The following DCHS2 variants were observed in gnomAD, a reference collection of about 807,000 sequenced individuals.
DCHS2 encodes the protein protocadherin-23.
In DCHS2, 142 loss-of-function variants were observed where a neutral mutation model predicts 182.4. That is an observed-to-expected ratio of 0.78 (90% CI 0.68 to 0.89). The LOEUF is 0.89. DCHS2 is among the 40% of genes least tolerant of loss of function. The pLI, the probability that DCHS2 is intolerant of heterozygous loss-of-function variation, is 0.00. For missense variants in DCHS2, 4,319 were observed against 4,198.6 expected (o/e 1.03, Z -0.79); for synonymous variants, 1,740 against 1,663.3 (o/e 1.05, Z -1.12).
At chr4:154,261,242 T>C (rs1732971577) in intron 14 of DCHS2, among the ~76,000 whole-genome samples, 1 of 152,224 alleles carries the variant, frequency 6.6e-6, no homozygotes, top group Non-Finnish European at 1.5e-5. Flanking sequence ...TCTCCTTTTC[T>C]ATATAAAATG....
chr4:154,474,912 G>A (rs1735625436), intron 1 of DCHS2, among the ~76,000 whole-genome samples: 1 of 152,056 alleles, frequency 6.6e-6, no homozygotes, highest in Admixed American at 6.5e-5. Context: ...TTCTTCTGTA[G>A]GAAAAACATT....
chr4:154,341,050 G>A (rs1729040719), intron 3 of DCHS2, among the ~76,000 whole-genome samples: 1 of 152,116 alleles, frequency 6.6e-6, no homozygotes, highest in African/African-American at 2.4e-5. Flanking sequence ...ACTTCTCAAA[G>A]GGAAGTGCCT....
At chr4:154,361,925 C>T (rs1459554242) in intron 3 of DCHS2, among the ~76,000 whole-genome samples, 1 of 151,880 alleles carries the variant, frequency 6.6e-6, no homozygotes, top group Non-Finnish European at 1.5e-5. Context: ...AATAGCATGT[C>T]TGATAAAGAA....
chr4:154,408,845 C>A (rs2110887226), intron 1 of DCHS2, among the ~76,000 whole-genome samples: 1 of 152,270 alleles, frequency 6.6e-6, no homozygotes, highest in South Asian at 2.1e-4. Flanking sequence ...CCCCAGCAGT[C>A]CTCATCACCA....
intron 1 of DCHS2, among the ~76,000 whole-genome samples, chr4:154,384,892 GT>G (rs71600322): frequency 1.3e-5 from 2 of 151,508 alleles, no homozygotes; most frequent in South Asian, 2.1e-4. Context: ...AATTTCCGCT[GT>G]TTTTTTTAAT....
Position 154,365,595 on chromosome 4 carries a change from C to T in DCHS2, c.2476+615G>A, listed in dbSNP as rs543305645. Among the ~76,000 whole-genome samples, 4 of 152,074 alleles carry T rather than the reference C, an allele frequency of 2.6e-5. 1 individual carries two copies. In the South Asian group the frequency reaches 8.3e-4, roughly 32 times the overall value. ...CTGGCCTCGAGCCATCCTCCCACCT[C>T]AGCCTCCCAAGTAGCTGGGATTACA... is the stretch of plus-strand genomic sequence containing the variant. On this transcript the variant is annotated intron_variant, in intron 3 of 19. Transcript: ENST00000357232.
chr4:154,291,744 T>C (rs77813634), intron 13 of DCHS2, among the ~76,000 whole-genome samples: 2,443 of 140,552 alleles, frequency 0.017, 64 homozygotes, highest in East Asian at 0.12. Context: ...GGCTAAAAAT[T>C]ACAATAATTG....
chr4:154,326,661 C>T (rs1177267065), intron 7 of DCHS2, among the ~76,000 whole-genome samples: 1 of 152,070 alleles, frequency 6.6e-6, no homozygotes, highest in East Asian at 1.9e-4. Flanking sequence ...ATTGATAGTC[C>T]ATCTTTTCCC....
chr4:154,255,697 A>G (rs1204709507), intron 15 of DCHS2, 27 bp from the exon 16 acceptor site: 4 of 1,607,332 alleles, frequency 2.5e-6, no homozygotes, highest in African/African-American at 1.3e-5. Flanking sequence ...GTTTCATTAG[A>G]TAAGATTTAT....
rs1731273017 is a variant in DCHS2 at position 154,233,171 on chromosome 4, T to G, written c.*1365A>C. ...AGATTTCACATTAGAATTCCTAAAC[T>G]GTTAGCCTAACACCTGGCCCTCATG... On this transcript the variant is annotated 3_prime_UTR_variant, in exon 20 of 20. Transcript: ENST00000357232. 1 of 152,178 alleles carries G rather than the reference T, an allele frequency of 6.6e-6. No homozygotes were observed. Among genetic ancestry groups the G allele is most frequent in the Non-Finnish European group, 1.5e-5 (1 of 68,026 alleles). The allele number at this position is 152,178 out of a possible 1,614,324, so 9.4% of individuals were successfully genotyped here.
At chr4:154,341,281 A>G (rs1729075398) in intron 3 of DCHS2, among the ~76,000 whole-genome samples, 1 of 150,232 alleles carries the variant, frequency 6.7e-6, no homozygotes, top group African/African-American at 2.4e-5. Flanking sequence ...AGGCAGGAGA[A>G]TGGCGTGAAC....
intron 1 of DCHS2, among the ~76,000 whole-genome samples, chr4:154,445,515 G>A (rs926187754): frequency 6.6e-6 from 1 of 152,096 alleles, no homozygotes; most frequent in African/African-American, 2.4e-5. Context: ...CCCTTACAAC[G>A]AAAGCATAGG....
At chr4:154,450,157 A>G (rs1734474313) in intron 1 of DCHS2, among the ~76,000 whole-genome samples, 1 of 152,232 alleles carries the variant, frequency 6.6e-6, no homozygotes, top group African/African-American at 2.4e-5. Flanking sequence ...GAATCCAAAG[A>G]GAAAGGCGAC....
chr4:154,409,192 G>A (rs1438498261), intron 1 of DCHS2, among the ~76,000 whole-genome samples: 2 of 152,160 alleles, frequency 1.3e-5, no homozygotes, highest in Non-Finnish European at 2.9e-5. Flanking sequence ...GGGCTGCTGA[G>A]TCCAGGGAGT....
At chr4:154,455,001 G>A (rs1056785920) in intron 1 of DCHS2, among the ~76,000 whole-genome samples, 2 of 152,224 alleles carry the variant, frequency 1.3e-5, no homozygotes, top group Admixed American at 1.3e-4. Flanking sequence ...TGATGTCAAT[G>A]TGAGGCAGCA....
chr4:154,349,154 G>A (rs760223520), intron 3 of DCHS2, among the ~76,000 whole-genome samples: 3 of 151,962 alleles, frequency 2.0e-5, no homozygotes, highest in East Asian at 1.9e-4. Flanking sequence ...GAAACACCTC[G>A]ATGTGTTCCA....
chr4:154,488,636 C>T (rs1193946625), intron 1 of DCHS2, among the ~76,000 whole-genome samples: 1 of 152,050 alleles, frequency 6.6e-6, no homozygotes, highest in Non-Finnish European at 1.5e-5. Context: ...GGCGTGGTGG[C>T]TCACCCCTGT....
chr4:154,263,621 A>G (rs1733089162), intron 14 of DCHS2, among the ~76,000 whole-genome samples: 1 of 151,856 alleles, frequency 6.6e-6, no homozygotes, highest in Non-Finnish European at 1.5e-5. Flanking sequence ...AGGGGCTAAT[A>G]GGAAAAACTA....
At chr4:154,357,268 C>T in intron 3 of DCHS2, 1 of 1,613,628 alleles carries the variant, frequency 6.2e-7, no homozygotes, top group Non-Finnish European at 8.5e-7. Context: ...TTCATTACTT[C>T]CTTGTCTGCT....
Sources: allele counts gnomAD v4.1 joint callset (sites outside exome capture counted in the v4.1 genomes callset), GRCh38; gene constraint gnomAD v4.1.1; transcripts MANE v1.5; gene names NCBI Gene and HGNC (gene_info 2026-07-23, HGNC 2026-07-21).